CSMD1: variants seen among roughly 807,000 people sequenced by gnomAD.
CSMD1 encodes CUB and sushi domain-containing protein 1.
CSMD1 carries 213 observed loss-of-function variants against 417.5 expected under a neutral mutation model. That is an observed-to-expected ratio of 0.51 (90% CI 0.46 to 0.57). CSMD1 has a LOEUF of 0.57. Among genes scored for constraint, CSMD1 ranks in the 20% least tolerant of loss-of-function variants. The probability of loss-of-function intolerance (pLI) is 0.00; values close to 1 mark genes in which losing one functional copy is unlikely to be tolerated. For synonymous variants in CSMD1, 2,862 were observed against 1,736.8 expected, an observed-to-expected ratio of 1.65 and a Z score of -16.11; for missense variants, 6,923 against 4,529.7, an observed-to-expected ratio of 1.53 and a Z score of -15.17.
At chr8:4,303,199 A>G (rs534689412) in intron 3 of CSMD1, among the ~76,000 whole-genome samples, 2 of 152,266 alleles carry the variant, frequency 1.3e-5, no homozygotes, top group South Asian at 4.1e-4. Context: ...GCAACTGAGA[A>G]TAACATCTGT....
chr8:4,612,156 C>T (rs886097454), intron 2 of CSMD1, among the ~76,000 whole-genome samples: 9 of 152,048 alleles, frequency 5.9e-5, no homozygotes, highest in South Asian at 2.1e-4. Flanking sequence ...TGATCGGAGA[C>T]GGTCGGTGGC....
intron 2 of CSMD1, among the ~76,000 whole-genome samples, chr8:4,441,728 G>T (rs567692042): frequency 1.3e-5 from 2 of 151,988 alleles, no homozygotes; most frequent in African/African-American, 2.4e-5. Context: ...GGAGATAAAT[G>T]AAAATTTTTA....
chr8:4,016,878 G>A (rs916205358), intron 4 of CSMD1, among the ~76,000 whole-genome samples: 30 of 152,128 alleles, frequency 2.0e-4, no homozygotes, highest in African/African-American at 6.0e-4. Flanking sequence ...GTTGGGTATG[G>A]TTCACAATCC....
chr8:3,269,047 G>A (rs73187519), intron 26 of CSMD1, among the ~76,000 whole-genome samples: 10,529 of 152,170 alleles, frequency 0.069, 471 homozygotes, highest in Non-Finnish European at 0.09. Flanking sequence ...AATCAATCTC[G>A]CTAATGTTAG....
chr8:4,388,698 G>GA (rs1276581495), intron 3 of CSMD1, among the ~76,000 whole-genome samples: 8 of 151,560 alleles, frequency 5.3e-5, no homozygotes, highest in Non-Finnish European at 8.8e-5. Context: ...ATAGCTCATG[G>GA]AAAAAACAAA....
chr8:4,388,862 T>C (rs1363778076), intron 3 of CSMD1, among the ~76,000 whole-genome samples: 1 of 152,242 alleles, frequency 6.6e-6, no homozygotes, highest in Non-Finnish European at 1.5e-5. Context: ...TTTAAAACTT[T>C]GAAATCAGCT....
At chr8:3,260,507 G>A (rs1800983305) in intron 26 of CSMD1, among the ~76,000 whole-genome samples, 1 of 151,948 alleles carries the variant, frequency 6.6e-6, no homozygotes, top group Non-Finnish European at 1.5e-5. Flanking sequence ...ACCTAATTAA[G>A]GATAAACATT....
chr8:4,385,561 TAC>T (rs1223174457), intron 3 of CSMD1, among the ~76,000 whole-genome samples: 17 of 152,246 alleles, frequency 1.1e-4, no homozygotes, highest in African/African-American at 4.1e-4. Context: ...TGCACATTAC[TAC>T]AGTGTATTGT....
intron 3 of CSMD1, among the ~76,000 whole-genome samples, chr8:4,314,242 C>G (rs1397428381): frequency 6.6e-6 from 1 of 151,850 alleles, no homozygotes; most frequent in Non-Finnish European, 1.5e-5. Flanking sequence ...AACACAATGC[C>G]ACATGGAATA....
intron 3 of CSMD1, among the ~76,000 whole-genome samples, chr8:4,241,170 A>G (rs1168483409): frequency 6.6e-6 from 1 of 152,170 alleles, no homozygotes; most frequent in Non-Finnish European, 1.5e-5. Flanking sequence ...TAAACAAATG[A>G]AATCCTGATC....
intron 10 of CSMD1, among the ~76,000 whole-genome samples, chr8:3,536,776 T>A (rs1410349727): frequency 6.6e-6 from 1 of 152,170 alleles, no homozygotes; most frequent in Non-Finnish European, 1.5e-5. Flanking sequence ...TGGAAGGGAC[T>A]AAGTCATCTC....
intron 2 of CSMD1, among the ~76,000 whole-genome samples, chr8:4,585,255 G>A (rs1299548730): frequency 6.6e-6 from 1 of 152,152 alleles, no homozygotes; most frequent in Non-Finnish European, 1.5e-5. Context: ...AAAGACTGGA[G>A]TCACATGGAA....
At chr8:3,519,529 G>A (rs1451902710) in intron 10 of CSMD1, among the ~76,000 whole-genome samples, 1 of 152,146 alleles carries the variant, frequency 6.6e-6, no homozygotes, top group East Asian at 1.9e-4. Context: ...CACAGTGTCA[G>A]AAAGCTCATT....
chr8:3,912,640 C>G (rs2975332), intron 5 of CSMD1, among the ~76,000 whole-genome samples: 47,582 of 151,936 alleles, frequency 0.31, 7,866 homozygotes, highest in African/African-American at 0.41. Context: ...TGTTTACAAG[C>G]GTCCTCAAGT....
chr8:4,708,378 C>A (rs777208700), intron 1 of CSMD1, among the ~76,000 whole-genome samples: 1 of 152,176 alleles, frequency 6.6e-6, no homozygotes, highest in Non-Finnish European at 1.5e-5. Flanking sequence ...GTTCATTATT[C>A]TGTTCAGTGC....
intron 5 of CSMD1, among the ~76,000 whole-genome samples, chr8:3,824,565 C>T (rs961291148): frequency 1.3e-5 from 2 of 152,184 alleles, no homozygotes; most frequent in South Asian, 2.1e-4. Context: ...GGGCAAAATA[C>T]GGAATGCATT....
At chr8:3,648,961 A>T (rs528501344) in intron 7 of CSMD1, among the ~76,000 whole-genome samples, 4 of 152,216 alleles carry the variant, frequency 2.6e-5, no homozygotes, top group African/African-American at 9.6e-5. Flanking sequence ...TAATGTACCC[A>T]GCCCTGTGCA....
chr8:4,302,136 A>G lies in CSMD1; in HGVS notation c.415+117817T>C, dbSNP rs187313614. Among the ~76,000 whole-genome samples the G allele has an allele frequency of 4.4e-3, 675 of 152,306 alleles. 3 individuals carry two copies. Among genetic ancestry groups the G allele is most frequent in the Middle Eastern group, 0.024 (7 of 294 alleles). On this transcript the variant is annotated intron_variant, in intron 3 of 69. Transcript: ENST00000635120. ...GTAGAAGCAAGCTATCTTGCTAACA[A>G]AAAAACAGTTTATGGACTTAAGGCC...
At chr8:4,786,047 T>C (rs890559414) in intron 1 of CSMD1, among the ~76,000 whole-genome samples, 4 of 152,082 alleles carry the variant, frequency 2.6e-5, no homozygotes, top group Non-Finnish European at 4.4e-5. Flanking sequence ...TAGCCAACAT[T>C]TGTACATAAA....
Sources: allele counts gnomAD v4.1 joint callset (sites outside exome capture counted in the v4.1 genomes callset), GRCh38; gene constraint gnomAD v4.1.1; transcripts MANE v1.5; gene names NCBI Gene and HGNC (gene_info 2026-07-23, HGNC 2026-07-21).